JARID2: variants seen among roughly 807,000 people sequenced by gnomAD.
The protein encoded by JARID2 is jumonji and AT-rich interaction domain containing 2, also known as protein Jumonji.
JARID2 carries 21 observed loss-of-function variants against 125.6 expected under a neutral mutation model. The ratio of observed to expected loss-of-function variants is 0.17; its 90% CI spans 0.12 to 0.24. JARID2 has a LOEUF of 0.24. Ranked by LOEUF, JARID2 falls within the 10% of genes least tolerant of loss-of-function variation. JARID2 has a pLI of 1.00. For missense variants in JARID2, 1,303 were observed against 1,639.6 expected, an observed-to-expected ratio of 0.79 and a Z score of 3.55; for synonymous variants, 736 against 661.6, an observed-to-expected ratio of 1.11 and a Z score of -1.73.
At chr6:15,303,741 A>T (rs1000095103) in intron 1 of JARID2, among the ~76,000 whole-genome samples, 1 of 152,250 alleles carries the variant, frequency 6.6e-6, no homozygotes, top group Non-Finnish European at 1.5e-5. Context: ...ATTAAACAAA[A>T]CAAGCTTGTT....
chr6:15,441,842 A>G (rs1228627286), intron 3 of JARID2, among the ~76,000 whole-genome samples: 3 of 151,898 alleles, frequency 2.0e-5, no homozygotes, highest in African/African-American at 4.8e-5. Context: ...CCCAGCCTGG[A>G]GTGCAATGGC....
intron 3 of JARID2, among the ~76,000 whole-genome samples, chr6:15,441,151 G>T (rs564232510): frequency 6.6e-6 from 1 of 152,276 alleles, no homozygotes; most frequent in East Asian, 1.9e-4. Flanking sequence ...AAAAAGGCTA[G>T]ATGCTGTGTG....
At chr6:15,263,066 G>GTGTGTGTT (rs1245877330) in intron 1 of JARID2, among the ~76,000 whole-genome samples, 1 of 121,320 alleles carries the variant, frequency 8.2e-6, no homozygotes, top group Non-Finnish European at 1.6e-5. Context: ...CCTTTGGAGG[G>GTGTGTGTT]TGTGTGTTTG....
At chr6:15,269,167 C>T (rs566847539) in intron 1 of JARID2, among the ~76,000 whole-genome samples, 2 of 152,228 alleles carry the variant, frequency 1.3e-5, no homozygotes, top group South Asian at 4.1e-4. Context: ...CGTTAAATAG[C>T]TTTCTGTCTC....
At chr6:15,282,634 C>T (rs73361535) in intron 1 of JARID2, among the ~76,000 whole-genome samples, 139 of 151,806 alleles carry the variant, frequency 9.2e-4, no homozygotes, top group African/African-American at 3.1e-3. Flanking sequence ...TCCTCAGTTT[C>T]GCTCTTGTTG....
At chr6:15,501,971 T>C (rs567569154) in intron 8 of JARID2, among the ~76,000 whole-genome samples, 1 of 152,326 alleles carries the variant, frequency 6.6e-6, no homozygotes, top group Non-Finnish European at 1.5e-5. Context: ...TCTGTGCGCT[T>C]GTTTTCTCTG....
At chr6:15,279,425 G>C (rs902190833) in intron 1 of JARID2, among the ~76,000 whole-genome samples, 6 of 152,168 alleles carry the variant, frequency 3.9e-5, no homozygotes, top group Non-Finnish European at 8.8e-5. Context: ...TATGTGTATG[G>C]ATTTACATGT....
intron 1 of JARID2, among the ~76,000 whole-genome samples, chr6:15,366,167 A>C (rs916627420): frequency 6.6e-6 from 1 of 152,104 alleles, no homozygotes; most frequent in Non-Finnish European, 1.5e-5. Context: ...GGCAGCCACA[A>C]GTTGTTTCAA....
chr6:15,356,624 C>T (rs1216518351), intron 1 of JARID2, among the ~76,000 whole-genome samples: 2 of 152,052 alleles, frequency 1.3e-5, no homozygotes, highest in African/African-American at 2.4e-5. Context: ...TATTAATGTG[C>T]ACATTTTCCT....
intron 1 of JARID2, chr6:15,248,183 G>C (rs1403994579): frequency 1.4e-6 from 1 of 721,570 alleles, no homozygotes; most frequent in Non-Finnish European, 1.7e-6. Context: ...ACCGGGAGCA[G>C]AGCCGGTGTT....
intron 6 of JARID2, 54 bp downstream of exon 6, chr6:15,487,596 ACTTCACCAAG>A: frequency 7.1e-7 from 1 of 1,417,676 alleles, no homozygotes; most frequent in Non-Finnish European, 9.5e-7. Context: ...TTCCCACTTC[ACTTCACCAAG>A]CTAAAAATTC....
chr6:15,475,455 C>T (rs1453883054), intron 5 of JARID2, among the ~76,000 whole-genome samples: 1 of 152,178 alleles, frequency 6.6e-6, no homozygotes, highest in Admixed American at 6.5e-5. Context: ...GTGGAACTGC[C>T]AGGGAGGCCC....
At chr6:15,481,432 A>C (rs1769610769) in intron 5 of JARID2, among the ~76,000 whole-genome samples, 1 of 152,276 alleles carries the variant, frequency 6.6e-6, no homozygotes, top group Non-Finnish European at 1.5e-5. Flanking sequence ...TTATGTTCAC[A>C]GGGTTTAATC....
At chr6:15,473,752 G>A (rs1003417204) in intron 5 of JARID2, among the ~76,000 whole-genome samples, 6 of 152,334 alleles carry the variant, frequency 3.9e-5, no homozygotes, top group Middle Eastern at 3.4e-3. Context: ...ATAGGTCTCT[G>A]CAGAGTCCTT....
chr6:15,248,310 T>C, intron 1 of JARID2, among the ~76,000 whole-genome samples: 1 of 144,000 alleles, frequency 6.9e-6, no homozygotes, highest in South Asian at 2.2e-4. Context: ...CTCCGGGCTC[T>C]AGGCGGGCGC....
intron 2 of JARID2, among the ~76,000 whole-genome samples, chr6:15,402,764 C>G (rs1765487487): frequency 6.6e-6 from 1 of 152,084 alleles, no homozygotes. Flanking sequence ...TTTTCATGAG[C>G]TGATAGAAGC....
chr6:15,387,455 C>T (rs1321391087), intron 2 of JARID2, among the ~76,000 whole-genome samples: 1 of 152,116 alleles, frequency 6.6e-6, no homozygotes, highest in Non-Finnish European at 1.5e-5. Context: ...TTGGCTGGTT[C>T]CTCTGAGTCT....
Position 15,316,212 on chromosome 6 carries a change from C to T in JARID2, c.46-57905C>T, listed in dbSNP as rs551911994. 2.3e-3 allele frequency among the ~76,000 whole-genome samples: 348 copies of T among 151,774 alleles called. 3 individuals carry two copies. The highest frequency in any genetic ancestry group is 0.019 in the Admixed American group (286 of 15,240). Reference sequence around the variant, plus strand: ...CTCACTGCAACCTCTGTCTGCCTTCCGGGTTCAAGCGATTCTCCTGCCTCA... The same window carrying T: ...CTCACTGCAACCTCTGTCTGCCTTCTGGGTTCAAGCGATTCTCCTGCCTCA... On this transcript the variant is annotated intron_variant, in intron 1 of 17. Coordinates refer to ENST00000341776, the MANE Select transcript of JARID2 (RefSeq NM_004973.4).
At chr6:15,408,456 C>G in intron 2 of JARID2, among the ~76,000 whole-genome samples, 1 of 152,194 alleles carries the variant, frequency 6.6e-6, no homozygotes, top group East Asian at 1.9e-4. Flanking sequence ...AGTTAAATGT[C>G]GTCTGTATCC....
Sources: gnomAD v4.1 joint callset for allele counts (sites outside exome capture counted in the v4.1 genomes callset) on GRCh38, gnomAD v4.1.1 for gene constraint, MANE v1.5 for transcripts, NCBI Gene and HGNC (gene_info 2026-07-23, HGNC 2026-07-21) for gene names.